PCYT1A: variants seen among roughly 807,000 people sequenced by gnomAD.
PCYT1A encodes the protein choline-phosphate cytidylyltransferase A.
PCYT1A carries 25 observed loss-of-function variants against 43.7 expected under a neutral mutation model. The ratio of observed to expected loss-of-function variants is 0.57; its 90% CI spans 0.42 to 0.80. The LOEUF is 0.80. Among genes scored for constraint, PCYT1A ranks in the 30% least tolerant of loss-of-function variants. The pLI is 0.00. For synonymous variants in PCYT1A, 172 were observed against 170.7 expected (o/e 1.01, Z -0.06); for missense variants, 421 against 474.2 (o/e 0.89, Z 1.04).
chr3:196,255,889 C>A lies in PCYT1A; in HGVS notation c.217+1899G>T, dbSNP rs546411063. 1.5e-4 allele frequency among the ~76,000 whole-genome samples: 23 copies of A among 152,300 alleles called. No homozygotes were observed. In the South Asian group the frequency reaches 4.4e-3, roughly 29 times the overall value. Reference sequence around the variant, plus strand: ...AAGTTCTTGCTTTCAATAGCCTCTACTATCACATCTGAATGTGAACCCTGA... The same window carrying A: ...AAGTTCTTGCTTTCAATAGCCTCTAATATCACATCTGAATGTGAACCCTGA... On this transcript the variant is annotated intron_variant, in intron 3 of 8. Coordinates refer to ENST00000431016, the MANE Select transcript of PCYT1A (RefSeq NM_001312673.2).
chr3:196,255,169 G>C lies in PCYT1A; in HGVS notation c.217+2619C>G, dbSNP rs564568230. 1.4e-4 allele frequency among the ~76,000 whole-genome samples: 21 copies of C among 152,302 alleles called. No individual in the cohort carries two copies. In the South Asian group the frequency reaches 4.4e-3, roughly 32 times the overall value. On this transcript the variant is annotated intron_variant, in intron 3 of 8. Transcript: ENST00000431016. ...CTACTTGGTGATTTAACATAAAACA[G>C]TCAGACAAAATGAGATCTAAGAGAA...
At chr3:196,262,515 A>C (rs1725141257) in intron 2 of PCYT1A, among the ~76,000 whole-genome samples, 1 of 152,204 alleles carries the variant, frequency 6.6e-6, no homozygotes. Flanking sequence ...TTAGCTTCTA[A>C]AATGCTATAT....
In PCYT1A at chr3:196,240,007, CAG is replaced by C. The variant is rs1724302545; in HGVS notation, c.709-274_709-273del. ...TAACAGGCACGTAGCCAAATAAAGT[CAG>C]AGTTTTAAAGATAAAACATAAACTT... On this transcript the variant is annotated intron_variant, in intron 7 of 8. Coordinates refer to ENST00000431016, the MANE Select transcript of PCYT1A (RefSeq NM_001312673.2). 18 of 400,320 alleles carry C rather than the reference CAG, an allele frequency of 4.5e-5. No homozygotes were observed. The East Asian group carries it at 7.1e-4, about 16-fold the overall frequency. 24.8% of individuals were successfully genotyped at this position (400,320 alleles called of 1,614,324 possible).
At chr3:196,248,753 TC>T (rs1449662218) in intron 3 of PCYT1A, among the ~76,000 whole-genome samples, 1 of 148,834 alleles carries the variant, frequency 6.7e-6, no homozygotes, top group African/African-American at 2.5e-5. Flanking sequence ...TATACTCCTT[TC>T]TTTTTTTTTA....
intron 1 of PCYT1A, among the ~76,000 whole-genome samples, chr3:196,276,639 A>G (rs951964150): frequency 6.6e-5 from 10 of 151,702 alleles, no homozygotes; most frequent in Admixed American, 1.3e-4. Context: ...AGTACAAACT[A>G]TTTTCTCAAG....
chr3:196,269,128 T>A (rs1375335526), intron 2 of PCYT1A, among the ~76,000 whole-genome samples: 2 of 152,248 alleles, frequency 1.3e-5, no homozygotes, highest in Non-Finnish European at 2.9e-5. Flanking sequence ...TTCAGATTTC[T>A]GATATCCAGA....
intron 1 of PCYT1A, among the ~76,000 whole-genome samples, chr3:196,278,121 T>A (rs1725645455): frequency 6.6e-6 from 1 of 152,018 alleles, no homozygotes; most frequent in African/African-American, 2.4e-5. Context: ...AGAGAAAAGG[T>A]GTGTGGGAGG....
At chr3:196,239,768 T>G in intron 7 of PCYT1A, 33 bp from the exon 8 acceptor site, 1 of 1,426,186 alleles carries the variant, frequency 7.0e-7, no homozygotes, top group Non-Finnish European at 9.9e-7. Context: ...TGAGAAATAA[T>G]GCTCATCCTA....
Position 196,238,783 on chromosome 3 carries a change from G to A in PCYT1A, c.1009C>T (p.Pro337Ser), listed in dbSNP as rs142799242. ...GGTGGGGAAGTCTTGCCGGAGAAGG[G>A]CCATCGGAAAGAGGGGGAGGGGGAG... ...ERSPSPSFRW[P>S]FSGKTSPPCS... Residue 337 changes from proline (P) to serine (S), a missense_variant, in exon 9 of 9, where the codon CCC becomes TCC. Around this residue, in one of 3 missense-constraint regions of PCYT1A, gnomAD observed 108 missense variants for 85.7 expected, o/e 1.26. Coordinates refer to ENST00000431016, the MANE Select transcript of PCYT1A (RefSeq NM_001312673.2). 6.8e-5 allele frequency: 108 copies of A among 1,588,416 alleles called. 1 individual carries two copies. Among genetic ancestry groups the A allele is most frequent in the Middle Eastern group, 1.7e-4 (1 of 5,978 alleles).
chr3:196,279,303 A>AG (rs1725684438), intron 1 of PCYT1A, among the ~76,000 whole-genome samples: 1 of 144,682 alleles, frequency 6.9e-6, no homozygotes, highest in East Asian at 2.4e-4. Context: ...AAAAAAAAAA[A>AG]GGGCTGACAG....
chr3:196,266,615 C>T (rs1725281995), intron 2 of PCYT1A, among the ~76,000 whole-genome samples: 2 of 151,160 alleles, frequency 1.3e-5, no homozygotes, highest in Admixed American at 6.6e-5. Flanking sequence ...ACTGGCCGGA[C>T]GTGGTGGCCC....
At chr3:196,259,165 G>A (rs1275934917) in intron 2 of PCYT1A, among the ~76,000 whole-genome samples, 12 of 152,064 alleles carry the variant, frequency 7.9e-5, no homozygotes, top group African/African-American at 1.9e-4. Flanking sequence ...CTACAGGCAT[G>A]CACCACCACA....
At chr3:196,249,822 A>G (rs570413325) in intron 3 of PCYT1A, among the ~76,000 whole-genome samples, 251 of 152,252 alleles carry the variant, frequency 1.6e-3, no homozygotes, top group African/African-American at 5.8e-3. Flanking sequence ...CAGATACACT[A>G]TGCTGAGGCT....
chr3:196,279,283 T>C (rs1337235548), intron 1 of PCYT1A, among the ~76,000 whole-genome samples: 1 of 122,580 alleles, frequency 8.2e-6, no homozygotes, highest in African/African-American at 3.1e-5. Flanking sequence ...AGTGAAACTC[T>C]ATCAAAAAAA....
In PCYT1A at chr3:196,247,385, C is replaced by G; in HGVS notation, c.468G>C (p.Glu156Asp). 6.2e-7 allele frequency: 1 copy of G among 1,614,152 alleles called. No homozygotes were observed. Among genetic ancestry groups the G allele is most frequent in the Non-Finnish European group, 8.5e-7 (1 of 1,180,026 alleles). Residue 156 changes from glutamate (E) to aspartate (D), a missense_variant, in exon 5 of 9, where the codon GAG (glutamate) becomes GAC (aspartate). Glu to Asp is a conservative substitution (Grantham distance 45). Transcript: ENST00000431016. This position sits in a 1 kb window ranked among gnomAD's most constrained non-coding sequence, Gnocchi z 4.8. ...TTCTTACCCGGTGTTCGGCCAGGAA[C>G]TCGGGTGTCAGCGTCCAGGGCGCAT... ...VRNAPWTLTP[E>D]FLAEHRIDFV...
chr3:196,260,325 C>A (rs1264217179), intron 2 of PCYT1A, among the ~76,000 whole-genome samples: 1 of 152,158 alleles, frequency 6.6e-6, no homozygotes, highest in African/African-American at 2.4e-5. Flanking sequence ...GGAAATACTA[C>A]TTCATATCAA....
intron 2 of PCYT1A, among the ~76,000 whole-genome samples, chr3:196,261,054 AT>A (rs1725094614): frequency 6.6e-6 from 1 of 152,234 alleles, no homozygotes; most frequent in Non-Finnish European, 1.5e-5. Context: ...TCTTGAAAAC[AT>A]TATGCCAAAA....
rs1724153458 is a variant in PCYT1A at position 196,236,055 on chromosome 3, T to C, written c.*2633A>G. ...GGGGAAAGGGAGTTTCCCAATAACA[T>C]GTACGTTTGCTGGCCCTAGCAGTCT... is the stretch of plus-strand genomic sequence containing the variant. On this transcript the variant is annotated 3_prime_UTR_variant, in exon 9 of 9. Transcript: ENST00000431016. 1 of 152,122 alleles carries C rather than the reference T, an allele frequency of 6.6e-6. No individual in the cohort carries two copies. Among genetic ancestry groups the C allele is most frequent in the Non-Finnish European group, 1.5e-5 (1 of 68,022 alleles). 9.4% of individuals were successfully genotyped at this position (152,122 alleles called of 1,614,324 possible). A position where few individuals can be genotyped will look rare whatever the true frequency, so the allele number is the denominator to read the frequency against.
At chr3:196,286,061 C>CTTTTT (rs533707821) in intron 1 of PCYT1A, among the ~76,000 whole-genome samples, 1 of 124,496 alleles carries the variant, frequency 8.0e-6, no homozygotes, top group Non-Finnish European at 1.6e-5. Flanking sequence ...ACCACTGTCC[C>CTTTTT]TTTTTTTTTT....
Sources: gnomAD v4.1 joint callset for allele counts (sites outside exome capture counted in the v4.1 genomes callset) on GRCh38, gnomAD v4.1.1 for gene constraint, gnomAD v4.1.1 regional missense constraint, Gnocchi (gnomAD v3.1) non-coding constraint, MANE v1.5 for transcripts, NCBI Gene and HGNC (gene_info 2026-07-23, HGNC 2026-07-21) for gene names.